Variants in C1QTNF3 observed in about 807,000 individuals in gnomAD.
C1QTNF3 encodes the protein C1q and TNF related 3.
Under a neutral mutation model 32.6 loss-of-function variants are expected in C1QTNF3, and 26 were observed. The observed-to-expected ratio is 0.80, with a 90% confidence interval of 0.58 to 1.11. C1QTNF3 has a LOEUF of 1.11. Ranked by LOEUF, C1QTNF3 falls within the 50% of genes least tolerant of loss-of-function variation. C1QTNF3 has a pLI of 0.00. For synonymous variants in C1QTNF3, 155 were observed against 146.0 expected, an observed-to-expected ratio of 1.06 and a Z score of -0.44; for missense variants, 362 against 398.2, an observed-to-expected ratio of 0.91 and a Z score of 0.77.
At chr5:34,118,708 A>G in the C1QTNF3 span, among the ~76,000 whole-genome samples, 1 of 151,438 alleles carries the variant, frequency 6.6e-6, no homozygotes, top group African/African-American at 2.4e-5. Flanking sequence ...TATTTTCAAG[A>G]TTTTCTCTCT....
the C1QTNF3 span, among the ~76,000 whole-genome samples, chr5:34,065,146 A>G: frequency 6.6e-6 from 1 of 152,112 alleles, no homozygotes; most frequent in Non-Finnish European, 1.5e-5. Context: ...ACTGCACCCA[A>G]CGAAGGACTA....
chr5:34,155,814 C>T, the C1QTNF3 span, among the ~76,000 whole-genome samples: 1 of 151,400 alleles, frequency 6.6e-6, no homozygotes, highest in Non-Finnish European at 1.5e-5. Flanking sequence ...TATATTAAAC[C>T]ATTATTAACA....
intron 3 of C1QTNF3, among the ~76,000 whole-genome samples, chr5:34,032,120 A>C (rs1437836718): frequency 6.6e-6 from 1 of 152,244 alleles, no homozygotes; most frequent in Non-Finnish European, 1.5e-5. Context: ...ACTAGTCAGA[A>C]AGAAACTTAA....
the C1QTNF3 span, among the ~76,000 whole-genome samples, chr5:34,115,492 A>G: frequency 6.6e-6 from 1 of 152,116 alleles, no homozygotes; most frequent in Admixed American, 6.5e-5. Context: ...GCACTTTGGG[A>G]GGCCTAGGCG....
At chr5:34,089,849 T>A in the C1QTNF3 span, among the ~76,000 whole-genome samples, 1 of 152,232 alleles carries the variant, frequency 6.6e-6, no homozygotes, top group Admixed American at 6.5e-5. Flanking sequence ...TTCTATATTA[T>A]AAATAATGTC....
At chr5:34,178,196 G>A in the C1QTNF3 span, among the ~76,000 whole-genome samples, 2 of 151,024 alleles carry the variant, frequency 1.3e-5, no homozygotes, top group African/African-American at 4.9e-5. Context: ...CAGGAGAATT[G>A]CTTGAACCTG....
At chr5:34,025,326 G>A (rs983562095) in intron 4 of C1QTNF3, among the ~76,000 whole-genome samples, 1 of 152,052 alleles carries the variant, frequency 6.6e-6, no homozygotes. Flanking sequence ...CAAAATGACA[G>A]GAAAATATAC....
chr5:34,203,915 C>T, the C1QTNF3 span, among the ~76,000 whole-genome samples: 1 of 151,752 alleles, frequency 6.6e-6, no homozygotes, highest in African/African-American at 2.4e-5. Context: ...AACAGTATAA[C>T]AATGACAAAG....
the C1QTNF3 span, among the ~76,000 whole-genome samples, chr5:34,209,402 AC>A: frequency 5.9e-5 from 9 of 151,322 alleles, no homozygotes; most frequent in South Asian, 1.9e-3. Context: ...CTGCACATAT[AC>A]CCCTGAACTG....
At chr5:34,107,590 G>GC in the C1QTNF3 span, among the ~76,000 whole-genome samples, 1 of 151,694 alleles carries the variant, frequency 6.6e-6, no homozygotes. Context: ...AAGAAAATTA[G>GC]CAACAACAGG....
the C1QTNF3 span, among the ~76,000 whole-genome samples, chr5:34,069,789 CTT>C: frequency 6.6e-6 from 1 of 152,198 alleles, no homozygotes; most frequent in South Asian, 2.1e-4. Flanking sequence ...AATAGAAACT[CTT>C]ATATTCATCC....
chr5:34,028,025 T>TCTC (rs1561055813), intron 4 of C1QTNF3, among the ~76,000 whole-genome samples: 2 of 152,068 alleles, frequency 1.3e-5, no homozygotes, highest in Non-Finnish European at 2.9e-5. Flanking sequence ...CAGGCTGGAG[T>TCTC]GCAGTCGCGC....
intron 1 of C1QTNF3, among the ~76,000 whole-genome samples, chr5:34,040,899 C>T (rs1422931176): frequency 2.0e-5 from 3 of 152,052 alleles, no homozygotes; most frequent in African/African-American, 4.8e-5. Flanking sequence ...AGTACTTTGA[C>T]ACTTTTGCCC....
the C1QTNF3 span, chr5:34,158,257 C>A: frequency 6.6e-6 from 1 of 152,122 alleles, no homozygotes; most frequent in African/African-American, 2.4e-5. Context: ...CAGGTGCATG[C>A]CACCATGCCC....
the C1QTNF3 span, among the ~76,000 whole-genome samples, chr5:34,156,495 T>C: frequency 2.6e-5 from 4 of 152,232 alleles, no homozygotes; most frequent in East Asian, 1.9e-4. Context: ...GTTAATGCAA[T>C]AGCATGTCTA....
the C1QTNF3 span, among the ~76,000 whole-genome samples, chr5:34,234,615 T>C: frequency 2.6e-5 from 4 of 152,236 alleles, no homozygotes; most frequent in East Asian, 1.9e-4. Flanking sequence ...TAAGTTACCA[T>C]GGTGAAGCTC....
At chr5:34,118,699 A>G in the C1QTNF3 span, among the ~76,000 whole-genome samples, 245 of 151,698 alleles carry the variant, frequency 1.6e-3, 1 homozygote, top group African/African-American at 5.6e-3. Context: ...TCTTCTTGCT[A>G]TTTTCAAGAT....
chr5:34,017,991 T>C lies in C1QTNF3; in HGVS notation c.*2592A>G, dbSNP rs1023900773. 6.8e-6 allele frequency among the ~76,000 whole-genome samples: 1 copy of C among 147,114 alleles called. No individual in the cohort carries two copies. The highest frequency in any genetic ancestry group is 2.7e-5 in the African/African-American group (1 of 36,762). On this transcript the variant is annotated 3_prime_UTR_variant, in exon 6 of 6. Coordinates refer to ENST00000382065, the MANE Select transcript of C1QTNF3 (RefSeq NM_181435.6). Reference sequence around the variant, plus strand: ...CAGTCATTAAAATTATGTTTTCAAATTGTCCTTAGTAGCATTTGAGAGTGT... The same window carrying C: ...CAGTCATTAAAATTATGTTTTCAAACTGTCCTTAGTAGCATTTGAGAGTGT...
the C1QTNF3 span, among the ~76,000 whole-genome samples, chr5:34,156,492 C>T: frequency 6.6e-6 from 1 of 152,164 alleles, no homozygotes; most frequent in Non-Finnish European, 1.5e-5. Flanking sequence ...TCAGTTAATG[C>T]AATAGCATGT....
Sources: gnomAD v4.1 joint callset for allele counts (sites outside exome capture counted in the v4.1 genomes callset) on GRCh38, gnomAD v4.1.1 for gene constraint, MANE v1.5 for transcripts, NCBI Gene and HGNC (gene_info 2026-07-23, HGNC 2026-07-21) for gene names.